Variants in DISP1 observed in about 807,000 individuals in gnomAD.
DISP1 encodes protein dispatched homolog 1.
A neutral mutation model predicts 37.3 loss-of-function variants in DISP1; 30 were observed. The ratio of observed to expected loss-of-function variants is 0.80; its 90% CI spans 0.60 to 1.09. DISP1 has a LOEUF of 1.09. Ranked by LOEUF, DISP1 falls within the 50% of genes least tolerant of loss-of-function variation. The pLI, the probability that DISP1 is intolerant of heterozygous loss-of-function variation, is 0.00. For missense variants in DISP1, 1,598 were observed against 1,879.5 expected (o/e 0.85, Z 2.77); for synonymous variants, 634 against 690.2 (o/e 0.92, Z 1.28).
At chr1:222,963,681 C>T (rs974238284) in intron 3 of DISP1, among the ~76,000 whole-genome samples, 2 of 152,018 alleles carry the variant, frequency 1.3e-5, no homozygotes, top group African/African-American at 4.8e-5. Context: ...AACCAAACAT[C>T]ACATGTTCTC....
At chr1:222,897,791 A>G (rs114205423) in intron 1 of DISP1, among the ~76,000 whole-genome samples, 1,713 of 152,284 alleles carry the variant, frequency 0.011, 27 homozygotes, top group African/African-American at 0.039. Flanking sequence ...AAAAATACAT[A>G]CCAGTTTTAT....
intron 3 of DISP1, among the ~76,000 whole-genome samples, chr1:222,950,528 A>G (rs1183989132): frequency 6.6e-6 from 1 of 151,834 alleles, no homozygotes; most frequent in Non-Finnish European, 1.5e-5. Context: ...TGAACCCGGG[A>G]GGCAGAGCTT....
intron 1 of DISP1, among the ~76,000 whole-genome samples, chr1:222,867,913 G>A (rs1669288820): frequency 6.6e-6 from 1 of 152,124 alleles, no homozygotes; most frequent in African/African-American, 2.4e-5. Flanking sequence ...CCAGTTGGTT[G>A]TTGCAGAAGG....
intron 4 of DISP1, among the ~76,000 whole-genome samples, chr1:222,988,533 C>T (rs527872622): frequency 5.9e-5 from 9 of 152,048 alleles, no homozygotes; most frequent in East Asian, 3.9e-4. Context: ...TGAATAAGGA[C>T]GAGCTTGTAT....
intron 1 of DISP1, among the ~76,000 whole-genome samples, chr1:222,850,552 T>G (rs4276923): frequency 5.9e-5 from 9 of 151,852 alleles, no homozygotes; most frequent in Admixed American, 4.6e-4. Flanking sequence ...TTATTAAGCC[T>G]GGTACCCAAT....
chr1:222,822,599 A>G (rs1362045288), intron 1 of DISP1, among the ~76,000 whole-genome samples: 1 of 152,210 alleles, frequency 6.6e-6, no homozygotes, highest in East Asian at 1.9e-4. Flanking sequence ...ATTTAATACA[A>G]TTTGATCATG....
chr1:222,909,393 C>A (rs1672087279), intron 1 of DISP1, among the ~76,000 whole-genome samples: 1 of 152,090 alleles, frequency 6.6e-6, no homozygotes, highest in Non-Finnish European at 1.5e-5. Flanking sequence ...TGTTATAAAT[C>A]AAAGCAAGTA....
intron 1 of DISP1, among the ~76,000 whole-genome samples, chr1:222,879,649 T>C (rs1359747665): frequency 6.6e-6 from 1 of 152,124 alleles, no homozygotes; most frequent in Non-Finnish European, 1.5e-5. Flanking sequence ...AGTAATACTG[T>C]AGGTGGGTGA....
At position 223,002,663 on chromosome 1, in the gene DISP1, T is replaced by A; in HGVS notation, c.1266T>A (p.Asn422Lys). The A allele has an allele frequency of 1.2e-6, 2 of 1,614,204 alleles. No homozygotes were observed. Among genetic ancestry groups the A allele is most frequent in the South Asian group, 2.2e-5 (2 of 91,082 alleles). ...TNVPRKCTKYNAVYQILHYLV... is the reference protein window; with the variant it reads ...TNVPRKCTKYKAVYQILHYLV... Reference sequence around the variant, plus strand: ...TGCCACGCAAATGTACCAAGTACAATGCTGTGTACCAGATCCTCCATTACT... The same window carrying A: ...TGCCACGCAAATGTACCAAGTACAAAGCTGTGTACCAGATCCTCCATTACT... The change falls in exon 9 of 9, where the codon AAT becomes AAA. Residue 422 changes from asparagine to lysine, a missense_variant. Physicochemically the swap from Asn to Lys is moderately conservative, Grantham distance 94. Coordinates refer to ENST00000675850, the MANE Select transcript of DISP1 (RefSeq NM_001377229.1).
chr1:222,960,923 T>C (rs975666132), intron 3 of DISP1, among the ~76,000 whole-genome samples: 6 of 152,132 alleles, frequency 3.9e-5, no homozygotes, highest in African/African-American at 1.4e-4. Context: ...CAGGAAGAAG[T>C]TGAATCCTTG....
At chr1:222,902,422 A>T (rs984528050) in intron 1 of DISP1, among the ~76,000 whole-genome samples, 4 of 152,228 alleles carry the variant, frequency 2.6e-5, no homozygotes, top group African/African-American at 9.6e-5. Flanking sequence ...AAACACCAAA[A>T]GCAATGGCAA....
intron 1 of DISP1, among the ~76,000 whole-genome samples, chr1:222,851,061 ATTTT>A (rs971721526): frequency 1.2e-4 from 15 of 127,352 alleles, no homozygotes; most frequent in African/African-American, 3.2e-4. Flanking sequence ...TGCATTTTTA[ATTTT>A]TTTTTTTTTT....
intron 1 of DISP1, among the ~76,000 whole-genome samples, chr1:222,923,294 T>C (rs947004422): frequency 6.6e-6 from 1 of 152,164 alleles, no homozygotes; most frequent in Non-Finnish European, 1.5e-5. Context: ...TATTCTCTAT[T>C]TGCACTGCCC....
Position 222,933,813 on chromosome 1 carries a change from A to G in DISP1, c.-18+5243A>G, listed in dbSNP as rs372607425. Among the ~76,000 whole-genome samples the G allele has an allele frequency of 2.8e-4, 42 of 152,084 alleles. No homozygotes were observed. The South Asian group carries it at 8.1e-3, about 29-fold the overall frequency. ...TTGTCTCAGGAGGGAAGAAGATTATATTTCTTTATTTAAGACCATCCTTTC... is the reference window on the plus strand; with the variant it reads ...TTGTCTCAGGAGGGAAGAAGATTATGTTTCTTTATTTAAGACCATCCTTTC... On this transcript the variant is annotated intron_variant, in intron 2 of 8. Coordinates refer to ENST00000675850, the MANE Select transcript of DISP1 (RefSeq NM_001377229.1).
intron 1 of DISP1, among the ~76,000 whole-genome samples, chr1:222,882,390 G>A (rs532805525): frequency 4.6e-5 from 7 of 152,148 alleles, no homozygotes; most frequent in Non-Finnish European, 1.0e-4. Context: ...CTACAAAGGA[G>A]TGGTTTCTCA....
chr1:222,949,799 G>A (rs1420475802), intron 3 of DISP1, among the ~76,000 whole-genome samples: 1 of 152,024 alleles, frequency 6.6e-6, no homozygotes, highest in African/African-American at 2.4e-5. Context: ...GCTAATTTTT[G>A]TACTTTTAGT....
intron 1 of DISP1, among the ~76,000 whole-genome samples, chr1:222,878,374 T>C (rs1670087901): frequency 6.6e-6 from 1 of 152,208 alleles, no homozygotes; most frequent in African/African-American, 2.4e-5. Context: ...TCTAAGTTTA[T>C]ATGGTTATAC....
chr1:222,957,282 A>G (rs921029940), intron 3 of DISP1, among the ~76,000 whole-genome samples: 1 of 152,074 alleles, frequency 6.6e-6, no homozygotes. Flanking sequence ...GGCAGAGAAA[A>G]ATGTGTTTAA....
chr1:222,930,160 C>G (rs965701844), intron 2 of DISP1, among the ~76,000 whole-genome samples: 4 of 152,090 alleles, frequency 2.6e-5, no homozygotes, highest in African/African-American at 9.7e-5. Context: ...ATCTGCTTTT[C>G]AGTGTTTGCT....
Sources: allele counts gnomAD v4.1 joint callset (sites outside exome capture counted in the v4.1 genomes callset), GRCh38; gene constraint gnomAD v4.1.1; transcripts MANE v1.5; gene names NCBI Gene and HGNC (gene_info 2026-07-23, HGNC 2026-07-21).